SH3BGRL2: variants seen among roughly 807,000 people sequenced by gnomAD.
The protein encoded by SH3BGRL2 is SH3 domain binding glutamate rich protein like 2, also known as SH3 domain-binding glutamic acid-rich-like protein 2.
In SH3BGRL2, 21 loss-of-function variants were observed where a neutral mutation model predicts 14.8. That is an observed-to-expected ratio of 1.42 (90% CI 1.01 to 2.05). SH3BGRL2 has a LOEUF of 2.05. SH3BGRL2 is among the 30% of genes most tolerant of loss of function. SH3BGRL2 has a pLI of 0.00. For synonymous variants in SH3BGRL2, 50 were observed against 47.8 expected, an observed-to-expected ratio of 1.05 and a Z score of -0.19; for missense variants, 147 against 130.8, an observed-to-expected ratio of 1.12 and a Z score of -0.61.
the SH3BGRL2 span, among the ~76,000 whole-genome samples, chr6:79,572,350 A>G: frequency 3.3e-5 from 5 of 152,236 alleles, no homozygotes; most frequent in African/African-American, 4.8e-5. Context: ...TCTCACAAAT[A>G]TATTAAATTT....
chr6:79,572,008 T>A, the SH3BGRL2 span, among the ~76,000 whole-genome samples: 1 of 152,180 alleles, frequency 6.6e-6, no homozygotes, highest in Non-Finnish European at 1.5e-5. Flanking sequence ...AATTTTAATA[T>A]CCTACACAAC....
chr6:79,557,540 G>A, the SH3BGRL2 span, among the ~76,000 whole-genome samples: 3 of 152,052 alleles, frequency 2.0e-5, no homozygotes, highest in Non-Finnish European at 4.4e-5. Context: ...AAAAATGTGG[G>A]GAGCTATTAA....
chr6:79,545,563 T>C, the SH3BGRL2 span, among the ~76,000 whole-genome samples: 2 of 152,192 alleles, frequency 1.3e-5, no homozygotes, highest in Admixed American at 1.3e-4. Context: ...GTTTCAGAAA[T>C]GAGATTCCAA....
chr6:79,553,352 G>A, the SH3BGRL2 span, among the ~76,000 whole-genome samples: 1 of 152,104 alleles, frequency 6.6e-6, no homozygotes, highest in African/African-American at 2.4e-5. Flanking sequence ...AATCACAAAA[G>A]CTCAGCTTTA....
At chr6:79,691,497 C>G in intron 2 of SH3BGRL2, among the ~76,000 whole-genome samples, 1 of 103,284 alleles carries the variant, frequency 9.7e-6, no homozygotes, top group East Asian at 4.7e-4. Flanking sequence ...TAATGCTATC[C>G]CTCCCCCCTC....
chr6:79,545,725 G>A, the SH3BGRL2 span, among the ~76,000 whole-genome samples: 2 of 152,090 alleles, frequency 1.3e-5, no homozygotes, highest in African/African-American at 4.8e-5. Flanking sequence ...CATCCAAAAC[G>A]CTGGCCACTT....
At chr6:79,632,517 G>A (rs1157893473) in intron 1 of SH3BGRL2, among the ~76,000 whole-genome samples, 1 of 152,206 alleles carries the variant, frequency 6.6e-6, no homozygotes, top group Non-Finnish European at 1.5e-5. Context: ...CTGCCCAGTA[G>A]CTCAGTCAGA....
chr6:79,635,468 A>G (rs1230536617), intron 1 of SH3BGRL2, among the ~76,000 whole-genome samples: 1 of 152,202 alleles, frequency 6.6e-6, no homozygotes, highest in Non-Finnish European at 1.5e-5. Context: ...AAACTTACTT[A>G]CCCAGGTTCT....
chr6:79,571,559 A>C, the SH3BGRL2 span, among the ~76,000 whole-genome samples: 11 of 152,312 alleles, frequency 7.2e-5, no homozygotes, highest in African/African-American at 2.6e-4. Context: ...GATTGGATAT[A>C]CATGCACACT....
At chr6:79,548,223 A>G in the SH3BGRL2 span, among the ~76,000 whole-genome samples, 2 of 152,146 alleles carry the variant, frequency 1.3e-5, no homozygotes, top group African/African-American at 2.4e-5. Flanking sequence ...CAATTTTATC[A>G]TCTTAAAAAA....
chr6:79,595,545 CAATT>C, the SH3BGRL2 span, among the ~76,000 whole-genome samples: 1 of 152,012 alleles, frequency 6.6e-6, no homozygotes. Context: ...TATCTGAAAT[CAATT>C]AATATAATAC....
chr6:79,580,712 C>G, the SH3BGRL2 span, among the ~76,000 whole-genome samples: 2 of 152,058 alleles, frequency 1.3e-5, no homozygotes, highest in African/African-American at 2.4e-5. Context: ...AATCGACACA[C>G]TAACATCACA....
At chr6:79,632,831 TGGCACTGTTTCAAG>T (rs1339382881) in intron 1 of SH3BGRL2, among the ~76,000 whole-genome samples, 4 of 152,248 alleles carry the variant, frequency 2.6e-5, no homozygotes, top group African/African-American at 9.6e-5. Context: ...GTTTGCAAAC[TGGCACTGTTTCAAG>T]GGTAGATTTG....
the SH3BGRL2 span, among the ~76,000 whole-genome samples, chr6:79,539,769 C>T: frequency 2.6e-5 from 4 of 152,182 alleles, no homozygotes; most frequent in Non-Finnish European, 5.9e-5. Context: ...GATAAATAGA[C>T]TCTCTAACTG....
intron 1 of SH3BGRL2, among the ~76,000 whole-genome samples, chr6:79,642,483 A>G (rs192260367): frequency 3.3e-5 from 5 of 152,114 alleles, no homozygotes; most frequent in South Asian, 2.1e-4. Flanking sequence ...CCAAATGACA[A>G]CTCTGACTGT....
the SH3BGRL2 span, among the ~76,000 whole-genome samples, chr6:79,571,661 A>G: frequency 6.6e-6 from 1 of 152,136 alleles, no homozygotes; most frequent in Non-Finnish European, 1.5e-5. Context: ...TATTGGTAAC[A>G]CCCTTTGATC....
At chr6:79,637,779 A>T (rs999718773) in intron 1 of SH3BGRL2, among the ~76,000 whole-genome samples, 1 of 152,094 alleles carries the variant, frequency 6.6e-6, no homozygotes, top group African/African-American at 2.4e-5. Context: ...GAGTGCAGAG[A>T]TTGGTGGTGT....
In SH3BGRL2 at chr6:79,644,884, G is replaced by A. The variant is rs1256087584; in HGVS notation, c.45+13378G>A. Among the ~76,000 whole-genome samples the A allele has an allele frequency of 2.5e-4, 38 of 151,648 alleles. 1 individual carries two copies. The highest frequency in any genetic ancestry group is 2.4e-3 in the Admixed American group (37 of 15,202). On this transcript the variant is annotated intron_variant, in intron 1 of 3. Transcript: ENST00000369838. Reference sequence around the variant, plus strand: ...AGATAATAGGTCCTGAGTTGGCCGGGCGCGGTGGCTCACCCCTGTAATCCC... The same window carrying A: ...AGATAATAGGTCCTGAGTTGGCCGGACGCGGTGGCTCACCCCTGTAATCCC...
At chr6:79,542,970 G>C in the SH3BGRL2 span, among the ~76,000 whole-genome samples, 3 of 152,150 alleles carry the variant, frequency 2.0e-5, no homozygotes, top group African/African-American at 7.2e-5. Flanking sequence ...ATTAAAATGT[G>C]TTGAAGTATG....
Sources: gnomAD v4.1 joint callset for allele counts (sites outside exome capture counted in the v4.1 genomes callset) on GRCh38, gnomAD v4.1.1 for gene constraint, MANE v1.5 for transcripts, NCBI Gene and HGNC (gene_info 2026-07-23, HGNC 2026-07-21) for gene names.